Variants in SMYD3 observed in about 807,000 individuals in gnomAD.
The protein encoded by SMYD3 is SET and MYND domain containing 3, also known as histone-lysine N-methyltransferase SMYD3.
SMYD3 carries 36 observed loss-of-function variants against 57.7 expected under a neutral mutation model. The ratio of observed to expected loss-of-function variants is 0.62; its 90% CI spans 0.48 to 0.82. The LOEUF is 0.82. Ranked by LOEUF, SMYD3 falls within the 40% of genes least tolerant of loss-of-function variation. The pLI, the probability that SMYD3 is intolerant of heterozygous loss-of-function variation, is 0.00. For missense variants in SMYD3, 515 were observed against 538.8 expected, an observed-to-expected ratio of 0.96 and a Z score of 0.44; for synonymous variants, 211 against 195.0, an observed-to-expected ratio of 1.08 and a Z score of -0.68.
intron 8 of SMYD3, among the ~76,000 whole-genome samples, chr1:245,898,228 TTCATC>T (rs2148606701): frequency 6.6e-6 from 1 of 152,336 alleles, no homozygotes; most frequent in Admixed American, 6.5e-5. Flanking sequence ...CTAAACTACT[TTCATC>T]TTATTTGTCA....
chr1:245,906,776 T>C (rs1306987544), intron 8 of SMYD3, among the ~76,000 whole-genome samples: 1 of 152,094 alleles, frequency 6.6e-6, no homozygotes, highest in Non-Finnish European at 1.5e-5. Context: ...ATAAAGAAAA[T>C]GTGGTACATA....
chr1:246,146,696 C>T lies in SMYD3; in HGVS notation c.531+180505G>A, dbSNP rs73141355. On this transcript the variant is annotated intron_variant, in intron 5 of 11. Coordinates refer to ENST00000490107, the MANE Select transcript of SMYD3 (RefSeq NM_001167740.2). Reference sequence around the variant, plus strand: ...AAGCAGAGACTAGAAAGGAGGCAAACTGCCCAGGAATCTAATAATGGGGCC... The same window carrying T: ...AAGCAGAGACTAGAAAGGAGGCAAATTGCCCAGGAATCTAATAATGGGGCC... Among the ~76,000 whole-genome samples, 1,190 of 152,264 alleles carry T rather than the reference C, an allele frequency of 7.8e-3. 10 individuals carry two copies. The highest frequency in any genetic ancestry group is 0.027 in the African/African-American group (1,105 of 41,532).
chr1:246,042,991 G>A (rs545594521), intron 5 of SMYD3, among the ~76,000 whole-genome samples: 17 of 152,076 alleles, frequency 1.1e-4, no homozygotes, highest in African/African-American at 3.9e-4. Context: ...TGGTCCGAGT[G>A]GCCTAACACA....
chr1:246,281,835 A>G (rs993698121), intron 5 of SMYD3, among the ~76,000 whole-genome samples: 2 of 152,204 alleles, frequency 1.3e-5, no homozygotes, highest in African/African-American at 2.4e-5. Flanking sequence ...AGACATAAGT[A>G]AACAGAATGC....
intron 5 of SMYD3, among the ~76,000 whole-genome samples, chr1:245,948,912 T>C (rs2057518264): frequency 6.6e-6 from 1 of 152,184 alleles, no homozygotes; most frequent in South Asian, 2.1e-4. Flanking sequence ...TGCAAAGGCC[T>C]GGGGATTGCC....
intron 1 of SMYD3, among the ~76,000 whole-genome samples, chr1:246,470,764 C>T (rs956012525): frequency 1.3e-5 from 2 of 151,398 alleles, no homozygotes; most frequent in Non-Finnish European, 2.9e-5. Flanking sequence ...GAAAAAAATG[C>T]AACAAAGGAC....
intron 5 of SMYD3, among the ~76,000 whole-genome samples, chr1:246,279,413 T>C (rs575488860): frequency 2.7e-4 from 41 of 151,780 alleles, no homozygotes; most frequent in Admixed American, 5.3e-4. Flanking sequence ...CCCAGCTACT[T>C]GGGAGGCTGA....
At chr1:246,089,770 C>T (rs1394134200) in intron 5 of SMYD3, among the ~76,000 whole-genome samples, 2 of 152,050 alleles carry the variant, frequency 1.3e-5, no homozygotes, top group Admixed American at 1.3e-4. Flanking sequence ...ACTTTTAGAC[C>T]TTTACCGGCT....
chr1:246,380,503 A>C (rs2066369640), intron 1 of SMYD3, among the ~76,000 whole-genome samples: 1 of 152,214 alleles, frequency 6.6e-6, no homozygotes, highest in Non-Finnish European at 1.5e-5. Context: ...TTTAAATGGA[A>C]AATGTTAATT....
rs539458126 is a variant in SMYD3 at position 245,883,859 on chromosome 1, G to A, written c.814-19973C>T. On this transcript the variant is annotated intron_variant, in intron 8 of 11. Coordinates refer to ENST00000490107, the MANE Select transcript of SMYD3 (RefSeq NM_001167740.2). The stretch of plus-strand genomic sequence containing the variant: ...GTATTTAGTAAATGCTGGTTGTCGT[G>A]GGAAGCAACAGATAAAGGTGAAAAT... Among the ~76,000 whole-genome samples, 115 of 152,246 alleles carry A rather than the reference G, an allele frequency of 7.6e-4. 2 individuals carry two copies. In the South Asian group the frequency reaches 0.023, roughly 30 times the overall value.
chr1:246,091,560 C>A (rs2060824276), intron 5 of SMYD3, among the ~76,000 whole-genome samples: 1 of 151,058 alleles, frequency 6.6e-6, no homozygotes, highest in South Asian at 2.1e-4. Flanking sequence ...TTAAATTTGG[C>A]TGTGGTGTTC....
In SMYD3 at chr1:246,045,656, C is replaced by G. The variant is rs2059950682; in HGVS notation, c.532-115719G>C. Among the ~76,000 whole-genome samples, 3 of 152,278 alleles carry G rather than the reference C, an allele frequency of 2.0e-5. No individual in the cohort carries two copies. In the South Asian group the frequency reaches 6.2e-4, roughly 32 times the overall value. ...GGGATCTAATTAAACTAAAGAGCTT[C>G]TGCACAGCAAAAGAAACCACCATCA... On this transcript the variant is annotated intron_variant, in intron 5 of 11. Transcript: ENST00000490107.
chr1:246,307,248 A>AT (rs1223170789), intron 5 of SMYD3, among the ~76,000 whole-genome samples: 1 of 152,092 alleles, frequency 6.6e-6, no homozygotes, highest in Non-Finnish European at 1.5e-5. Context: ...ACCACCTGAG[A>AT]TCCCAAATCC....
intron 1 of SMYD3, among the ~76,000 whole-genome samples, chr1:246,502,629 C>T (rs2068474718): frequency 6.6e-6 from 1 of 152,176 alleles, no homozygotes; most frequent in Non-Finnish European, 1.5e-5. Flanking sequence ...TAAATGGCTG[C>T]TTTCGGGTAG....
intron 1 of SMYD3, among the ~76,000 whole-genome samples, chr1:246,450,291 C>CAA (rs970514080): frequency 4.9e-5 from 7 of 142,632 alleles, no homozygotes; most frequent in African/African-American, 1.5e-4. Context: ...AACTCTATCT[C>CAA]AAAAAAAAAA....
At chr1:246,089,884 CTT>C (rs5782382) in intron 5 of SMYD3, among the ~76,000 whole-genome samples, 73 of 143,768 alleles carry the variant, frequency 5.1e-4, no homozygotes, top group Middle Eastern at 3.5e-3. Flanking sequence ...TGGTAGTTTG[CTT>C]TTTTTTTTTT....
chr1:245,783,583 T>C (rs1418670051), intron 10 of SMYD3, among the ~76,000 whole-genome samples: 1 of 151,432 alleles, frequency 6.6e-6, no homozygotes, highest in Non-Finnish European at 1.5e-5. Flanking sequence ...GGATATAGAA[T>C]AGAAAGGAAA....
intron 7 of SMYD3, among the ~76,000 whole-genome samples, chr1:245,924,411 G>C (rs569272026): frequency 5.3e-5 from 8 of 152,174 alleles, no homozygotes; most frequent in Non-Finnish European, 1.2e-4. Flanking sequence ...GGTTTGCAAG[G>C]AAACTGTCCA....
chr1:245,875,008 G>A (rs1263584390), intron 8 of SMYD3, among the ~76,000 whole-genome samples: 1 of 152,220 alleles, frequency 6.6e-6, no homozygotes, highest in African/African-American at 2.4e-5. Flanking sequence ...CCAGGACTTA[G>A]ACGCTCCTGC....
Sources: allele counts gnomAD v4.1 joint callset (sites outside exome capture counted in the v4.1 genomes callset), GRCh38; gene constraint gnomAD v4.1.1; transcripts MANE v1.5; gene names NCBI Gene and HGNC (gene_info 2026-07-23, HGNC 2026-07-21).